The following COBL variants were observed in gnomAD, a reference collection of about 807,000 sequenced individuals.
COBL encodes cordon-bleu WH2 repeat protein, also known as protein cordon-bleu.
COBL carries 51 observed loss-of-function variants against 98.8 expected under a neutral mutation model. The observed-to-expected ratio is 0.52, with a 90% CI of 0.41 to 0.65. COBL has a LOEUF of 0.65. Among genes scored for constraint, COBL ranks in the 30% least tolerant of loss-of-function variants. The pLI, the probability that COBL is intolerant of heterozygous loss-of-function variation, is 0.00. For synonymous variants in COBL, 634 were observed against 651.7 expected, an observed-to-expected ratio of 0.97 and a Z score of 0.41; for missense variants, 1,617 against 1,617.5, an observed-to-expected ratio of 1.00 and a Z score of 0.01.
intron 7 of COBL, among the ~76,000 whole-genome samples, chr7:51,082,212 T>A (rs1366396891): frequency 6.6e-6 from 1 of 152,156 alleles, no homozygotes; most frequent in South Asian, 2.1e-4. Context: ...CACACTCATG[T>A]GGGCACCAGC....
At chr7:51,294,812 C>CTAAA (rs1165584616) in intron 1 of COBL, among the ~76,000 whole-genome samples, 5 of 151,876 alleles carry the variant, frequency 3.3e-5, no homozygotes, top group Admixed American at 1.3e-4. Context: ...TGTACATGGT[C>CTAAA]TATGCTCCAT....
intron 1 of COBL, among the ~76,000 whole-genome samples, chr7:51,296,853 A>G (rs1361000036): frequency 6.6e-6 from 1 of 152,198 alleles, no homozygotes; most frequent in Admixed American, 6.5e-5. Context: ...GAAAACGACC[A>G]TGCTGTATGC....
At chr7:51,217,325 T>C (rs928862972) in intron 2 of COBL, among the ~76,000 whole-genome samples, 1 of 151,018 alleles carries the variant, frequency 6.6e-6, no homozygotes, top group Non-Finnish European at 1.5e-5. Context: ...CACAATGCCA[T>C]TTTCTTTTCT....
intron 1 of COBL, among the ~76,000 whole-genome samples, chr7:51,308,057 A>C (rs1802653732): frequency 6.6e-6 from 1 of 152,202 alleles, no homozygotes; most frequent in African/African-American, 2.4e-5. Context: ...AGACAGATGG[A>C]TAGGTGGGCG....
At chr7:51,251,331 G>A (rs1796713366) in intron 1 of COBL, among the ~76,000 whole-genome samples, 1 of 152,138 alleles carries the variant, frequency 6.6e-6, no homozygotes. Context: ...AATATTCCAG[G>A]GGTGAAGGCT....
intron 1 of COBL, among the ~76,000 whole-genome samples, chr7:51,287,718 C>T (rs1800505611): frequency 1.3e-5 from 2 of 152,114 alleles, no homozygotes; most frequent in African/African-American, 4.8e-5. Flanking sequence ...ACTCACAAAA[C>T]ACTGGAGAAA....
At chr7:51,305,600 A>G (rs766239423) in intron 1 of COBL, among the ~76,000 whole-genome samples, 6 of 152,236 alleles carry the variant, frequency 3.9e-5, no homozygotes, top group Non-Finnish European at 5.9e-5. Context: ...CTTTTGTGAA[A>G]GTGACTAAAA....
chr7:51,203,238 G>A (rs139611973), intron 2 of COBL, among the ~76,000 whole-genome samples: 1,240 of 122,006 alleles, frequency 0.01, 205 homozygotes, highest in African/African-American at 0.044. Flanking sequence ...CGAGGCGGGC[G>A]GATCACGAGG....
chr7:51,064,281 G>A (rs1294379628), intron 7 of COBL: 1 of 150,874 alleles, frequency 6.6e-6, no homozygotes, highest in Non-Finnish European at 1.5e-5. Flanking sequence ...ATATATCCCT[G>A]TGCATTAACT....
intron 6 of COBL, among the ~76,000 whole-genome samples, chr7:51,104,534 T>C (rs1409562262): frequency 1.3e-5 from 2 of 152,238 alleles, no homozygotes; most frequent in East Asian, 1.9e-4. Context: ...ACTACCTGCC[T>C]CCCTTGTTTA....
chr7:51,239,887 T>G (rs958422011), intron 1 of COBL, among the ~76,000 whole-genome samples: 2 of 152,196 alleles, frequency 1.3e-5, no homozygotes, highest in Admixed American at 6.5e-5. Flanking sequence ...AATAGCTACA[T>G]AGTAAACATT....
intron 1 of COBL, among the ~76,000 whole-genome samples, chr7:51,229,378 G>A (rs143353239): frequency 6.6e-6 from 1 of 152,350 alleles, no homozygotes; most frequent in Admixed American, 6.5e-5. Context: ...AACCCTCCAA[G>A]CCTGGAAAAT....
In COBL at chr7:51,059,870, C is replaced by T. The variant is rs115442351; in HGVS notation, c.1097-16178G>A. On this transcript the variant is annotated intron_variant, in intron 7 of 12. Coordinates refer to ENST00000265136, the MANE Select transcript of COBL (RefSeq NM_015198.5). Reference sequence around the variant, plus strand: ...TTTTCTACTTCTTAGCATTACCCAACGTGGCCTGTTTTTTGCTAACTGTTC... The same window carrying T: ...TTTTCTACTTCTTAGCATTACCCAATGTGGCCTGTTTTTTGCTAACTGTTC... Among the ~76,000 whole-genome samples, 1,062 of 152,300 alleles carry T rather than the reference C, an allele frequency of 7.0e-3. 13 individuals are homozygous for T. The highest frequency in any genetic ancestry group is 0.025 in the African/African-American group (1,029 of 41,556).
chr7:51,102,100 C>T (rs368649178), intron 6 of COBL, among the ~76,000 whole-genome samples: 1 of 152,128 alleles, frequency 6.6e-6, no homozygotes, highest in Admixed American at 6.5e-5. Flanking sequence ...AGTCTTCTGG[C>T]GCCATGATCG....
intron 5 of COBL, among the ~76,000 whole-genome samples, chr7:51,137,763 T>A (rs1562954836): frequency 6.6e-6 from 1 of 152,180 alleles, no homozygotes. Context: ...TCCAAACAGT[T>A]CCTGGTAGGT....
At chr7:51,098,853 C>T (rs1406452136) in intron 6 of COBL, among the ~76,000 whole-genome samples, 1 of 151,950 alleles carries the variant, frequency 6.6e-6, no homozygotes, top group East Asian at 1.9e-4. Flanking sequence ...ATCTATAAAC[C>T]ATATGTCTGA....
chr7:51,291,258 G>A (rs1368644211), intron 1 of COBL, among the ~76,000 whole-genome samples: 1 of 152,184 alleles, frequency 6.6e-6, no homozygotes, highest in Non-Finnish European at 1.5e-5. Context: ...AACTGTGAGG[G>A]CACATTCACA....
rs550112298 is a variant in COBL, at chr7:51,044,429, G to A, written c.1097-737C>T. On this transcript the variant is annotated intron_variant, in intron 7 of 12. Coordinates refer to ENST00000265136, the MANE Select transcript of COBL (RefSeq NM_015198.5). ...AATACATTAAGTGTAAGTAATGGGA[G>A]GTCATTATTTTTCTCTTACTGAGCT... Among the ~76,000 whole-genome samples the A allele has an allele frequency of 4.6e-5, 7 of 152,280 alleles. No individual in the cohort carries two copies. In the East Asian group the frequency reaches 1.3e-3, roughly 29 times the overall value.
chr7:51,301,615 T>TAAGCATCTGC (rs759806925), intron 1 of COBL, among the ~76,000 whole-genome samples: 3 of 152,218 alleles, frequency 2.0e-5, no homozygotes, highest in Non-Finnish European at 4.4e-5. Context: ...TCTTCCTCTG[T>TAAGCATCTGC]AAGCAAGCTG....
Sources: allele counts gnomAD v4.1 joint callset (sites outside exome capture counted in the v4.1 genomes callset), GRCh38; gene constraint gnomAD v4.1.1; transcripts MANE v1.5; gene names NCBI Gene and HGNC (gene_info 2026-07-23, HGNC 2026-07-21).